Variants in ARHGAP22 observed in about 807,000 individuals in gnomAD.
ARHGAP22 encodes the protein rho GTPase-activating protein 22.
ARHGAP22 carries 48 observed loss-of-function variants against 59.1 expected under a neutral mutation model. The observed-to-expected ratio is 0.81, with a 90% CI of 0.64 to 1.03. The LOEUF (loss-of-function observed/expected upper bound fraction) is 1.03. ARHGAP22 is among the 50% of genes least tolerant of loss of function. The probability of loss-of-function intolerance (pLI) is 0.00; values close to 1 mark genes in which losing one functional copy is unlikely to be tolerated. For missense variants in ARHGAP22, 1,015 were observed against 958.7 expected (o/e 1.06, Z -0.78); for synonymous variants, 445 against 416.4 (o/e 1.07, Z -0.84).
chr10:48,504,043 C>A (rs955954612), intron 3 of ARHGAP22, among the ~76,000 whole-genome samples: 2 of 152,080 alleles, frequency 1.3e-5, no homozygotes, highest in Non-Finnish European at 2.9e-5. Flanking sequence ...GGGAGAAGTG[C>A]GGGATGGGGA....
chr10:48,643,192 G>A (rs546657515), intron 1 of ARHGAP22, among the ~76,000 whole-genome samples: 3 of 152,094 alleles, frequency 2.0e-5, no homozygotes, highest in Non-Finnish European at 4.4e-5. Flanking sequence ...AATTCCTCAA[G>A]GATCTACAAC....
At chr10:48,463,810 G>C (rs2047388295) in intron 4 of ARHGAP22, among the ~76,000 whole-genome samples, 1 of 152,198 alleles carries the variant, frequency 6.6e-6, no homozygotes. Context: ...TGCTGGGCTT[G>C]CAGCAGAGGC....
chr10:48,509,986 A>T (rs2052586622), intron 3 of ARHGAP22, among the ~76,000 whole-genome samples: 1 of 152,222 alleles, frequency 6.6e-6, no homozygotes, highest in African/African-American at 2.4e-5. Flanking sequence ...AAGAGAAAAG[A>T]ATATGAATTT....
chr10:48,608,039 G>C (rs766317762), upstream of ARHGAP22, among the ~76,000 whole-genome samples: 2 of 152,226 alleles, frequency 1.3e-5, no homozygotes, highest in Non-Finnish European at 2.9e-5. Flanking sequence ...CCCACCCCCA[G>C]TGGCTCTGAT....
chr10:48,438,229 T>C, the ARHGAP22 span: 1 of 152,244 alleles, frequency 6.6e-6, no homozygotes. Context: ...AACACCATTC[T>C]GTCATTAGCA....
chr10:48,443,226 C>T (rs2045243980), downstream of ARHGAP22, among the ~76,000 whole-genome samples: 1 of 152,086 alleles, frequency 6.6e-6, no homozygotes, highest in African/African-American at 2.4e-5. Context: ...CAAGAGTTCC[C>T]ATCTTTCAAA....
At chr10:48,477,714 A>G (rs2048880890) in intron 4 of ARHGAP22, among the ~76,000 whole-genome samples, 1 of 152,134 alleles carries the variant, frequency 6.6e-6, no homozygotes, top group Non-Finnish European at 1.5e-5. Flanking sequence ...TTAATTTGCA[A>G]TTCCCTGATT....
chr10:48,442,961 T>A (rs2045236716), downstream of ARHGAP22, among the ~76,000 whole-genome samples: 1 of 152,106 alleles, frequency 6.6e-6, no homozygotes, highest in South Asian at 2.1e-4. Flanking sequence ...CAAGCCAGCT[T>A]GTCACATGCG....
intron 3 of ARHGAP22, among the ~76,000 whole-genome samples, chr10:48,501,159 C>T (rs1411459956): frequency 6.6e-6 from 1 of 152,156 alleles, no homozygotes; most frequent in African/African-American, 2.4e-5. Flanking sequence ...TGAGGGTGTA[C>T]TTTATGCCCA....
chr10:48,508,708 A>G (rs2052424958), intron 3 of ARHGAP22, among the ~76,000 whole-genome samples: 1 of 152,282 alleles, frequency 6.6e-6, no homozygotes. Flanking sequence ...CAGGCTGCCC[A>G]GCCAGGCAGC....
intron 1 of ARHGAP22, among the ~76,000 whole-genome samples, chr10:48,600,614 T>C (rs1283259998): frequency 2.0e-5 from 3 of 152,030 alleles, no homozygotes; most frequent in Non-Finnish European, 4.4e-5. Flanking sequence ...GATCCCCAAA[T>C]TGCAAACTTT....
At chr10:48,435,049 GTGGGA>G in the ARHGAP22 span, 5 of 1,463,296 alleles carry the variant, frequency 3.4e-6, no homozygotes, top group African/African-American at 1.4e-5. Flanking sequence ...CCATCGGGGG[GTGGGA>G]GGGATGGGGA....
At chr10:48,533,457 G>A (rs2055056800) in intron 3 of ARHGAP22, among the ~76,000 whole-genome samples, 1 of 152,030 alleles carries the variant, frequency 6.6e-6, no homozygotes, top group South Asian at 2.1e-4. Context: ...ATTTTGAGTT[G>A]CTACTTTTAT....
At chr10:48,587,366 G>A (rs1039815026) in intron 1 of ARHGAP22, among the ~76,000 whole-genome samples, 6 of 152,226 alleles carry the variant, frequency 3.9e-5, no homozygotes, top group Admixed American at 1.3e-4. Context: ...GACAGGGAGA[G>A]GTGTGCCCCT....
At chr10:48,526,793 G>A (rs1023410887) in intron 3 of ARHGAP22, among the ~76,000 whole-genome samples, 6 of 152,200 alleles carry the variant, frequency 3.9e-5, no homozygotes, top group Non-Finnish European at 7.3e-5. Flanking sequence ...CCATTGAACC[G>A]TTTAAATATA....
Position 48,450,297 on chromosome 10 carries a change from C to A in ARHGAP22, c.1832G>T (p.Cys611Phe). 1.2e-6 allele frequency: 2 copies of A among 1,608,478 alleles called. No individual in the cohort carries two copies. The highest frequency in any genetic ancestry group is 1.7e-6 in the Non-Finnish European group (2 of 1,178,064). The change falls in exon 9 of 10, where the codon TGC becomes TTC. Residue 611 changes from cysteine (C) to phenylalanine (F), a missense_variant. Physicochemically the swap from Cys to Phe is radical, Grantham distance 205. Transcript: ENST00000249601. The part of the protein sequence containing the change: ...GLVTELRAEL[C>F]RQRTEYERSV... The stretch of plus-strand genomic sequence containing the variant: ...CCTCTCGTACTCAGTCCGCTGGCGG[C>A]ACAGCTCGGCCCTGAGCTCAGTGAC...
intron 3 of ARHGAP22, among the ~76,000 whole-genome samples, chr10:48,546,300 T>C (rs2056429875): frequency 6.6e-6 from 1 of 152,230 alleles, no homozygotes; most frequent in Non-Finnish European, 1.5e-5. Flanking sequence ...AGCCCCTCAG[T>C]TGGTCTACCC....
chr10:48,505,057 T>G (rs1216726109), intron 3 of ARHGAP22, among the ~76,000 whole-genome samples: 1 of 152,174 alleles, frequency 6.6e-6, no homozygotes, highest in Non-Finnish European at 1.5e-5. Context: ...CATTTTATTA[T>G]TACTATTATT....
intron 2 of ARHGAP22, among the ~76,000 whole-genome samples, chr10:48,563,547 C>T (rs2057848423): frequency 6.6e-6 from 1 of 152,170 alleles, no homozygotes; most frequent in South Asian, 2.1e-4. Context: ...TATCTGCCAC[C>T]TTAATTAAAT....
Sources: allele counts gnomAD v4.1 joint callset (sites outside exome capture counted in the v4.1 genomes callset), GRCh38; gene constraint gnomAD v4.1.1; transcripts MANE v1.5; gene names NCBI Gene and HGNC (gene_info 2026-07-23, HGNC 2026-07-21).